Variants in NADSYN1 observed in about 807,000 individuals in gnomAD.
NADSYN1 encodes the protein glutamine-dependent NAD(+) synthetase.
In NADSYN1, 80 loss-of-function variants were observed where a neutral mutation model predicts 99.3. That is an observed-to-expected ratio of 0.81 (90% CI 0.67 to 0.97). The LOEUF is 0.97. NADSYN1 is among the 50% of genes least tolerant of loss of function. The pLI is 0.00. For synonymous variants in NADSYN1, 385 were observed against 372.1 expected (o/e 1.03, Z -0.40); for missense variants, 859 against 948.5 (o/e 0.91, Z 1.24).
chr11:71,494,706 C>T (rs1591136828), intron 18 of NADSYN1, among the ~76,000 whole-genome samples: 1 of 152,122 alleles, frequency 6.6e-6, no homozygotes, highest in East Asian at 1.9e-4. Flanking sequence ...CAGACATGCA[C>T]CTCCACGCCT....
chr11:71,473,592 A>G lies in NADSYN1; in HGVS notation c.572A>G (p.Asp191Gly). ...PHSPHIDMGL[D>G]GVEIITNASG... ...AGCCCGCACATCGACATGGGCCTGG[A>G]TGGCGTGGAGATCATCACCAACGCC... The change falls in exon 8 of 21, where the codon GAT becomes GGT. Residue 191 changes from aspartate to glycine, a missense_variant. Coordinates refer to ENST00000319023, the MANE Select transcript of NADSYN1 (RefSeq NM_018161.5). 6.2e-7 allele frequency: 1 copy of G among 1,612,398 alleles called. No individual in the cohort carries two copies. Among genetic ancestry groups the G allele is most frequent in the Non-Finnish European group, 8.5e-7 (1 of 1,179,374 alleles).
intron 16 of NADSYN1, among the ~76,000 whole-genome samples, chr11:71,488,086 A>G (rs1949755103): frequency 6.6e-6 from 1 of 151,916 alleles, no homozygotes; most frequent in Non-Finnish European, 1.5e-5. Context: ...GATTTTTTTA[A>G]ATTTCCCTGT....
intron 3 of NADSYN1, chr11:71,461,013 T>C (rs935955211): frequency 1.3e-5 from 2 of 152,268 alleles, no homozygotes; most frequent in African/African-American, 4.8e-5. Context: ...GTTGGTGATT[T>C]ATAACACTCT....
rs1386972392 is a variant in NADSYN1, at chr11:71,455,095, T to C, written c.86-15T>C. On this transcript the variant is annotated splice_polypyrimidine_tract_variant and intron_variant, in intron 1 of 20. Coordinates refer to ENST00000319023, the MANE Select transcript of NADSYN1 (RefSeq NM_018161.5). Reference sequence around the variant, plus strand: ...CTGAAATTGCTCCATTTTCTTTTTCTCTCTGTACTTACAGGTATTGAAATT... The same window carrying C: ...CTGAAATTGCTCCATTTTCTTTTTCCCTCTGTACTTACAGGTATTGAAATT... The C allele has an allele frequency of 6.2e-7, 1 of 1,607,416 alleles. No homozygotes were observed. The highest frequency in any genetic ancestry group is 8.5e-7 in the Non-Finnish European group (1 of 1,174,522).
At chr11:71,490,761 G>T in intron 16 of NADSYN1, 84 bp from the exon 17 acceptor site, 1 of 1,557,094 alleles carries the variant, frequency 6.4e-7, no homozygotes. Context: ...CAGGGCCCCT[G>T]GAAGAAGCGA....
chr11:71,471,307 C>T (rs1397702746), intron 5 of NADSYN1, among the ~76,000 whole-genome samples: 2 of 152,130 alleles, frequency 1.3e-5, no homozygotes, highest in Admixed American at 6.5e-5. Flanking sequence ...GGAGCTGTGC[C>T]GAATGATGAC....
intron 18 of NADSYN1, chr11:71,496,430 T>C (rs933447450): frequency 2.0e-5 from 3 of 152,260 alleles, no homozygotes; most frequent in African/African-American, 4.8e-5. Context: ...ATCCCTCGCT[T>C]GCACAGTTCA....
chr11:71,458,833 C>T (rs776295443), intron 3 of NADSYN1: 8 of 319,804 alleles, frequency 2.5e-5, no homozygotes, highest in East Asian at 1.9e-4. Flanking sequence ...CACCCCACCC[C>T]GTGCAGAGAG....
At chr11:71,460,865 T>G (rs7130038) in intron 3 of NADSYN1, 7 of 152,182 alleles carry the variant, frequency 4.6e-5, no homozygotes, top group Admixed American at 4.6e-4. Context: ...TGGTTGGTGG[T>G]GCACCATCCT....
At chr11:71,463,248 C>G (rs1949562211) in intron 3 of NADSYN1, among the ~76,000 whole-genome samples, 184 bp from the exon 4 acceptor site, 1 of 152,160 alleles carries the variant, frequency 6.6e-6, no homozygotes. Context: ...GTGGCAGAAC[C>G]ATCTCGGCTC....
At chr11:71,482,353 AC>A (rs1380158532) in intron 13 of NADSYN1, among the ~76,000 whole-genome samples, 1 of 152,164 alleles carries the variant, frequency 6.6e-6, no homozygotes, top group African/African-American at 2.4e-5. Context: ...ATCAGACATC[AC>A]CTTAGCATAT....
At position 71,482,055 on chromosome 11, in the gene NADSYN1, C is replaced by T. The variant is rs1266532042; in HGVS notation, c.1150+30C>T. On this transcript the variant is annotated intron_variant, in intron 13 of 20. Transcript: ENST00000319023. ...GTGACATCTGTTGGCTTGAGGGAGG[C>T]TCCAGGGTCCAGCCCTTGGGCTGCC... 3.8e-6 allele frequency: 6 copies of T among 1,581,296 alleles called. No individual in the cohort carries two copies. In the South Asian group the frequency reaches 5.7e-5, roughly 15 times the overall value.
chr11:71,486,364 C>T (rs1165701830), intron 16 of NADSYN1, among the ~76,000 whole-genome samples: 1 of 152,110 alleles, frequency 6.6e-6, no homozygotes, highest in Non-Finnish European at 1.5e-5. Context: ...TCTATGTATC[C>T]ACCCATCCAT....
intron 16 of NADSYN1, among the ~76,000 whole-genome samples, chr11:71,488,099 T>C (rs979059852): frequency 4.6e-5 from 7 of 152,030 alleles, no homozygotes. Context: ...TTCCCTGTAA[T>C]TCTGTTGTTG....
At chr11:71,472,844 G>A (rs112010554) in intron 6 of NADSYN1, among the ~76,000 whole-genome samples, 4 of 152,346 alleles carry the variant, frequency 2.6e-5, no homozygotes, top group East Asian at 1.9e-4. Context: ...ACAGCAAAAT[G>A]CCCTACTCTC....
At position 71,476,898 on chromosome 11, in the gene NADSYN1, G is replaced by C. The variant is rs570200246; in HGVS notation, c.799-1497G>C. 244 of 987,000 alleles carry C rather than the reference G, an allele frequency of 2.5e-4. 1 individual carries two copies. The African/African-American group carries it at 4.1e-3, about 17-fold the overall frequency. 61.1% of individuals were successfully genotyped at this position (987,000 alleles called of 1,614,324 possible). A position where few individuals can be genotyped will look rare whatever the true frequency, so the allele number is the denominator to read the frequency against. On this transcript the variant is annotated intron_variant, in intron 9 of 20. Transcript: ENST00000319023. ...GCAGTTGTTTCGTGCATTAGAATCC[G>C]GGAGCCGTTGCCTTACACGTCTCTA...
chr11:71,468,290 A>G (rs1446395136), intron 5 of NADSYN1, among the ~76,000 whole-genome samples: 1 of 152,262 alleles, frequency 6.6e-6, no homozygotes, highest in East Asian at 1.9e-4. Flanking sequence ...ATATTGATAA[A>G]TTTGTGGATA....
At chr11:71,463,410 G>T (rs567495630) in intron 3 of NADSYN1, 22 bp from the exon 4 acceptor site, 2 of 1,611,266 alleles carry the variant, frequency 1.2e-6, no homozygotes, top group East Asian at 4.5e-5. Flanking sequence ...AGACACACAT[G>T]TACCTCCCCT....
chr11:71,478,292 C>T, intron 9 of NADSYN1, 103 bp from the exon 10 acceptor site: 3 of 954,140 alleles, frequency 3.1e-6, no homozygotes, highest in South Asian at 1.4e-5. Flanking sequence ...GGTCTCAGCC[C>T]CTGCTTTAGA....
Sources: allele counts gnomAD v4.1 joint callset (sites outside exome capture counted in the v4.1 genomes callset), GRCh38; gene constraint gnomAD v4.1.1; transcripts MANE v1.5; gene names NCBI Gene and HGNC (gene_info 2026-07-23, HGNC 2026-07-21).